The following TCF12 variants were observed in gnomAD, a reference collection of about 807,000 sequenced individuals.
TCF12 encodes the protein DNA-binding protein HTF4.
In TCF12, 45 loss-of-function variants were observed where a neutral mutation model predicts 86.0. The ratio of observed to expected loss-of-function variants is 0.52; its 90% CI spans 0.41 to 0.67. The LOEUF is 0.67. TCF12 is among the 30% of genes least tolerant of loss of function. The pLI is 0.00. For missense variants in TCF12, 881 were observed against 859.9 expected (o/e 1.02, Z -0.31); for synonymous variants, 330 against 299.6 (o/e 1.10, Z -1.05).
intron 3 of TCF12, among the ~76,000 whole-genome samples, chr15:56,976,549 G>A (rs1186540523): frequency 1.3e-5 from 2 of 151,776 alleles, no homozygotes; most frequent in Non-Finnish European, 2.9e-5. Flanking sequence ...TAATACATGA[G>A]GAAGGAATTA....
intron 3 of TCF12, among the ~76,000 whole-genome samples, chr15:56,973,831 A>G (rs763799565): frequency 3.3e-5 from 5 of 152,128 alleles, no homozygotes; most frequent in African/African-American, 4.8e-5. Flanking sequence ...CAAGTTGACA[A>G]GTGTCTCCTG....
chr15:57,021,357 A>T (rs918272102), intron 3 of TCF12, among the ~76,000 whole-genome samples: 1 of 152,176 alleles, frequency 6.6e-6, no homozygotes, highest in Non-Finnish European at 1.5e-5. Flanking sequence ...TAGTGATGGG[A>T]CAGAAAACAT....
intron 3 of TCF12, among the ~76,000 whole-genome samples, chr15:57,031,507 T>G (rs1432857977): frequency 6.6e-6 from 1 of 152,238 alleles, no homozygotes; most frequent in Admixed American, 6.5e-5. Flanking sequence ...AAATTCAGCT[T>G]CTTTTACTTA....
intron 5 of TCF12, among the ~76,000 whole-genome samples, chr15:57,152,372 TAACAA>T (rs1295152849): frequency 6.6e-6 from 1 of 152,074 alleles, no homozygotes; most frequent in Non-Finnish European, 1.5e-5. Context: ...GCAAAACAGT[TAACAA>T]AACAAGGCTC....
intron 3 of TCF12, among the ~76,000 whole-genome samples, chr15:56,958,457 A>G (rs1191337589): frequency 6.6e-6 from 1 of 152,156 alleles, no homozygotes; most frequent in Non-Finnish European, 1.5e-5. Flanking sequence ...TATGGCAGGC[A>G]GAGGTTCTAA....
intron 8 of TCF12, among the ~76,000 whole-genome samples, chr15:57,217,745 G>A (rs1044416725): frequency 6.7e-6 from 1 of 150,190 alleles, no homozygotes; most frequent in African/African-American, 2.4e-5. Context: ...CTTTTTTTTT[G>A]TTTTGAGAGT....
chr15:57,263,343 T>G, intron 18 of TCF12, 69 bp downstream of exon 18: 1 of 1,493,922 alleles, frequency 6.7e-7, no homozygotes, highest in Non-Finnish European at 9.1e-7. Context: ...AGAAGCTGGG[T>G]GTCATGCATT....
intron 3 of TCF12, among the ~76,000 whole-genome samples, chr15:56,983,503 A>G (rs1164089656): frequency 6.6e-6 from 1 of 152,214 alleles, no homozygotes; most frequent in East Asian, 1.9e-4. Flanking sequence ...AATCCAAAAT[A>G]TTCTGAATTT....
rs1239189795 is a variant in TCF12 at position 57,063,637 on chromosome 15, C to G, written c.149-113C>G. The G allele has an allele frequency of 6.3e-5, 43 of 681,388 alleles. No individual in the cohort carries two copies. In the Admixed American group the frequency reaches 1.0e-3, roughly 16 times the overall value. The allele number at this position is 681,388 out of a possible 1,614,324, so 42.2% of individuals were successfully genotyped here. A position where few individuals can be genotyped will look rare whatever the true frequency, so the allele number is the denominator to read the frequency against. On this transcript the variant is annotated intron_variant, in intron 3 of 20. Coordinates refer to ENST00000333725, the MANE Select transcript of TCF12 (RefSeq NM_207037.2). ...TTCTGAAGCAAGGATTGATACTTAG[C>G]TCTTCCACGAAAGCGCAAATACCAC...
intron 3 of TCF12, among the ~76,000 whole-genome samples, chr15:57,031,953 G>A (rs541527774): frequency 1.1e-3 from 160 of 152,286 alleles, no homozygotes; most frequent in African/African-American, 3.7e-3. Context: ...TCTGTTTGAT[G>A]GAACTGTAGT....
rs981984981 is a variant in TCF12, at chr15:57,272,673, C to A, written c.1746-357C>A. 3.9e-5 allele frequency among the ~76,000 whole-genome samples: 6 copies of A among 152,242 alleles called. No homozygotes were observed. The South Asian group carries it at 6.2e-4, about 16-fold the overall frequency. The stretch of plus-strand genomic sequence containing the variant: ...CTACTCCAGTGTTTTTAACAAGCTC[C>A]CAGTAATGCTGATGCTGCTGATTTG... On this transcript the variant is annotated intron_variant, in intron 18 of 20. Transcript: ENST00000333725.
intron 12 of TCF12, among the ~76,000 whole-genome samples, chr15:57,241,804 C>A (rs2059641020): frequency 6.6e-6 from 1 of 151,996 alleles, no homozygotes; most frequent in African/African-American, 2.4e-5. Flanking sequence ...ACCAGCCTGT[C>A]CAACATAGCG....
chr15:57,075,826 CTCTCTCTCT>C (rs1410137964), intron 4 of TCF12, among the ~76,000 whole-genome samples: 107 of 62,000 alleles, frequency 1.7e-3, no homozygotes, highest in African/African-American at 3.7e-3. Flanking sequence ...CTCTCTCTCT[CTCTCTCTCT>C]TTTCTTTCTT....
At chr15:56,961,851 A>T (rs1197829918) in intron 3 of TCF12, among the ~76,000 whole-genome samples, 1 of 152,146 alleles carries the variant, frequency 6.6e-6, no homozygotes, top group African/African-American at 2.4e-5. Context: ...GATATAAAAT[A>T]TGTTTAATGG....
chr15:57,064,344 A>G (rs1217907590), intron 4 of TCF12, among the ~76,000 whole-genome samples: 6 of 152,214 alleles, frequency 3.9e-5, no homozygotes, highest in Non-Finnish European at 8.8e-5. Flanking sequence ...TGAGGTCACA[A>G]GGTTAGAGCC....
At chr15:56,969,827 G>C (rs1351859608) in intron 3 of TCF12, among the ~76,000 whole-genome samples, 2 of 152,198 alleles carry the variant, frequency 1.3e-5, no homozygotes, top group African/African-American at 4.8e-5. Context: ...ATTGGAGTGA[G>C]TGTTGAGAGT....
intron 3 of TCF12, among the ~76,000 whole-genome samples, chr15:57,044,573 C>A (rs750703014): frequency 1.3e-5 from 2 of 152,002 alleles, no homozygotes; most frequent in South Asian, 4.1e-4. Flanking sequence ...ATTTGCCTTA[C>A]CATTTTTTTT....
At chr15:57,078,947 G>C (rs192796242) in intron 4 of TCF12, among the ~76,000 whole-genome samples, 1 of 152,254 alleles carries the variant, frequency 6.6e-6, no homozygotes, top group Admixed American at 6.5e-5. Flanking sequence ...GTAATGCTGT[G>C]ACCTTTTGTT....
chr15:57,142,544 T>G (rs2053056110), intron 5 of TCF12, among the ~76,000 whole-genome samples: 1 of 152,178 alleles, frequency 6.6e-6, no homozygotes, highest in Non-Finnish European at 1.5e-5. Context: ...TAGTAATAGA[T>G]TTATAATTCT....
Sources: allele counts gnomAD v4.1 joint callset (sites outside exome capture counted in the v4.1 genomes callset), GRCh38; gene constraint gnomAD v4.1.1; transcripts MANE v1.5; gene names NCBI Gene and HGNC (gene_info 2026-07-23, HGNC 2026-07-21).